The following TEX36 variants were observed in gnomAD, a reference collection of about 807,000 sequenced individuals.
TEX36 encodes the protein testis-expressed protein 36.
In TEX36, 12 loss-of-function variants were observed where a neutral mutation model predicts 13.6. That is an observed-to-expected ratio of 0.88 (90% CI 0.56 to 1.43). TEX36 has a LOEUF of 1.43. TEX36 is among the 40% of genes most tolerant of loss of function. TEX36 has a pLI of 0.00. For missense variants in TEX36, 224 were observed against 228.3 expected, an observed-to-expected ratio of 0.98 and a Z score of 0.12; for synonymous variants, 93 against 83.0, an observed-to-expected ratio of 1.12 and a Z score of -0.65.
chr10:125,677,183 A>T (rs1250862576), intron 1 of TEX36, among the ~76,000 whole-genome samples: 3 of 152,080 alleles, frequency 2.0e-5, no homozygotes, highest in Non-Finnish European at 4.4e-5. Flanking sequence ...CATGGAGAAG[A>T]CCTTTTTGTA....
At chr10:125,588,918 C>A (rs1211246289) in intron 3 of TEX36, among the ~76,000 whole-genome samples, 1 of 152,048 alleles carries the variant, frequency 6.6e-6, no homozygotes, top group Admixed American at 6.6e-5. Flanking sequence ...ACCCAACAAC[C>A]AAATCTCAGG....
intron 1 of TEX36, among the ~76,000 whole-genome samples, chr10:125,664,738 C>A (rs538521768): frequency 6.6e-6 from 1 of 152,282 alleles, no homozygotes; most frequent in East Asian, 1.9e-4. Flanking sequence ...ATCAATTAAA[C>A]CTCTTTTCTT....
At chr10:125,678,246 G>A (rs1438098475) in intron 1 of TEX36, among the ~76,000 whole-genome samples, 6 of 152,164 alleles carry the variant, frequency 3.9e-5, no homozygotes, top group Admixed American at 2.6e-4. Context: ...GATTCTGCAT[G>A]CATGTAGTCA....
chr10:125,596,834 T>C (rs1846085716), intron 3 of TEX36, among the ~76,000 whole-genome samples: 1 of 152,214 alleles, frequency 6.6e-6, no homozygotes, highest in Non-Finnish European at 1.5e-5. Context: ...CAGCTCAATA[T>C]AACAGATAAC....
chr10:125,642,016 A>C (rs1846699926), intron 3 of TEX36, among the ~76,000 whole-genome samples: 1 of 152,178 alleles, frequency 6.6e-6, no homozygotes, highest in Non-Finnish European at 1.5e-5. Flanking sequence ...GTGTCCCTCC[A>C]CATAATTGCA....
At position 125,602,582 on chromosome 10, in the gene TEX36, G is replaced by GATTC. The variant is rs533489582; in HGVS notation, c.265-25712_265-25709dup. On this transcript the variant is annotated intron_variant, in intron 3 of 3. Transcript: ENST00000532135. Reference sequence around the variant, plus strand: ...AGCTGTATTACTCTGACTTGTGCTTGATTCATTCATTCATTCATCATTCAT... The same window carrying GATTC: ...AGCTGTATTACTCTGACTTGTGCTTGATTCATTCATTCATTCATTCATCATTCAT... 9.9e-5 allele frequency among the ~76,000 whole-genome samples: 15 copies of GATTC among 152,268 alleles called. No homozygotes were observed. In the East Asian group the frequency reaches 2.7e-3, roughly 27 times the overall value.
intron 3 of TEX36, among the ~76,000 whole-genome samples, chr10:125,585,535 A>C (rs1845935673): frequency 6.6e-6 from 1 of 152,170 alleles, no homozygotes; most frequent in Non-Finnish European, 1.5e-5. Flanking sequence ...TCTACCCCAA[A>C]GCTAGCCATA....
At chr10:125,662,722 A>G (rs1243650031) in intron 1 of TEX36, among the ~76,000 whole-genome samples, 1 of 152,072 alleles carries the variant, frequency 6.6e-6, no homozygotes, top group Non-Finnish European at 1.5e-5. Flanking sequence ...CCAAGCAATG[A>G]GGCATTGGAT....
intron 3 of TEX36, among the ~76,000 whole-genome samples, chr10:125,579,578 G>A (rs1033869663): frequency 6.6e-6 from 1 of 152,118 alleles, no homozygotes; most frequent in Admixed American, 6.5e-5. Flanking sequence ...GATTTGGTTT[G>A]GATTTGTGTC....
chr10:125,609,967 G>A (rs1846270222), intron 3 of TEX36, among the ~76,000 whole-genome samples: 1 of 152,204 alleles, frequency 6.6e-6, no homozygotes, highest in African/African-American at 2.4e-5. Context: ...CCAAGATGGT[G>A]ATGAAAGCAA....
intron 1 of TEX36, among the ~76,000 whole-genome samples, chr10:125,670,602 A>G (rs1847208191): frequency 6.6e-6 from 1 of 152,112 alleles, no homozygotes; most frequent in African/African-American, 2.4e-5. Flanking sequence ...ATTAGATACA[A>G]TTTGTCAATT....
exon 4 of TEX36, chr10:125,576,585 G>A: frequency 1.0e-6 from 1 of 995,248 alleles, no homozygotes; most frequent in Admixed American, 2.8e-5. Context: ...AGAATAAGAG[G>A]ATTTCTCCAT....
At chr10:125,621,208 A>G (rs1379549091), downstream of TEX36, among the ~76,000 whole-genome samples, 1 of 152,192 alleles carries the variant, frequency 6.6e-6, no homozygotes, top group Non-Finnish European at 1.5e-5. Flanking sequence ...TATTTTGGAT[A>G]TATACCCAGG....
At chr10:125,577,775 T>A (rs888512146) in intron 3 of TEX36, among the ~76,000 whole-genome samples, 1 of 152,360 alleles carries the variant, frequency 6.6e-6, no homozygotes, top group Middle Eastern at 3.4e-3. Flanking sequence ...CCTTTGACTC[T>A]GTTCCCTGCA....
At chr10:125,618,943 A>G (rs939919244), downstream of TEX36, among the ~76,000 whole-genome samples, 1 of 37,382 alleles carries the variant, frequency 2.7e-5, no homozygotes, top group East Asian at 8.1e-4. Context: ...CGTCTCTACT[A>G]AAAAAAAAAA....
intron 1 of TEX36, 102 bp from the exon 2 acceptor site, chr10:125,662,079 G>C: frequency 6.9e-7 from 1 of 1,440,104 alleles, no homozygotes; most frequent in Non-Finnish European, 9.3e-7. Context: ...CAATTTGGGT[G>C]CTTTTGGCAT....
chr10:125,578,055 T>C (rs992160937), intron 3 of TEX36, among the ~76,000 whole-genome samples: 4 of 152,242 alleles, frequency 2.6e-5, no homozygotes, highest in African/African-American at 9.6e-5. Context: ...ATTTTTTAAA[T>C]AACTGAGTCC....
At chr10:125,654,787 G>T (rs1332670641), downstream of TEX36, among the ~76,000 whole-genome samples, 2 of 152,120 alleles carry the variant, frequency 1.3e-5, no homozygotes, top group South Asian at 2.1e-4. Flanking sequence ...TGTGAGAGGG[G>T]ATAAAACAGA....
intron 1 of TEX36, among the ~76,000 whole-genome samples, chr10:125,670,600 C>A (rs189175734): frequency 3.3e-5 from 5 of 152,160 alleles, no homozygotes; most frequent in African/African-American, 1.2e-4. Context: ...TAATTAGATA[C>A]AATTTGTCAA....
Sources: gnomAD v4.1 joint callset for allele counts (sites outside exome capture counted in the v4.1 genomes callset) on GRCh38, gnomAD v4.1.1 for gene constraint, MANE v1.5 for transcripts, NCBI Gene and HGNC (gene_info 2026-07-23, HGNC 2026-07-21) for gene names.